Variants in OCSTAMP observed in about 807,000 individuals in gnomAD.
OCSTAMP encodes transmembrane protein C20orf123.
A neutral mutation model predicts 25.2 loss-of-function variants in OCSTAMP; 17 were observed. That is an observed-to-expected ratio of 0.68 (90% confidence interval 0.46 to 1.01). OCSTAMP has a LOEUF of 1.01. OCSTAMP is among the 50% of genes least tolerant of loss of function. The probability of loss-of-function intolerance (pLI) is 0.00; values close to 1 mark genes in which losing one functional copy is unlikely to be tolerated. For synonymous variants in OCSTAMP, 345 were observed against 318.9 expected (o/e 1.08, Z -0.87); for missense variants, 664 against 694.6 (o/e 0.96, Z 0.50).
At chr20:46,546,732 T>C (rs1283558989) in intron 1 of OCSTAMP, among the ~76,000 whole-genome samples, 1 of 152,162 alleles carries the variant, frequency 6.6e-6, no homozygotes, top group Non-Finnish European at 1.5e-5. Context: ...ACGATTTCAC[T>C]TGAATTAATA....
intron 1 of OCSTAMP, among the ~76,000 whole-genome samples, chr20:46,548,667 G>C (rs1173627723): frequency 6.6e-6 from 1 of 152,140 alleles, no homozygotes; most frequent in Admixed American, 6.5e-5. Context: ...AAGGTTATAC[G>C]GGAATATGGT....
chr20:46,545,510 C>G lies in OCSTAMP; in HGVS notation c.864G>C (p.Gln288His). 1 of 1,551,328 alleles carries G rather than the reference C, an allele frequency of 6.4e-7. No individual in the cohort carries two copies. The highest frequency in any genetic ancestry group is 8.7e-7 in the Non-Finnish European group (1 of 1,146,782). The change falls in exon 2 of 3, where the codon CAG becomes CAC. Residue 288 changes from glutamine to histidine, a missense_variant. Physicochemically the swap from Gln to His is conservative, Grantham distance 24. Transcript: ENST00000279028. ...PPPTWLLQAA[Q>H]LRLSQEELLS... is the part of the protein sequence containing the mutation. The stretch of plus-strand genomic sequence containing the variant: ...ACAGCTCCTCCTGTGACAGCCTCAG[C>G]TGAGCCGCCTGGAGCAGCCAGGTGG...
rs896943145 is a variant in OCSTAMP, at chr20:46,545,915, G to C, written c.459C>G (p.Thr153=). 1.3e-6 allele frequency: 2 copies of C among 1,551,296 alleles called. No individual in the cohort carries two copies. Among genetic ancestry groups the C allele is most frequent in the Admixed American group, 3.9e-5 (2 of 51,008 alleles). ...GAAGQVLRCV[T]EGSLESLLNT... ...TGAGGAGACTCTCCAGGGAGCCCTC[G>C]GTGACACACCTCAGCACCTGCCCGG... The change falls in exon 2 of 3, where the codon ACC becomes ACG. Residue 153 remains threonine, a synonymous_variant. Coordinates refer to ENST00000279028, the MANE Select transcript of OCSTAMP (RefSeq NM_080721.3).
At chr20:46,542,574 C>CAAAAAAAAAAAAA (rs3092597) in intron 2 of OCSTAMP, among the ~76,000 whole-genome samples, 7 of 100,352 alleles carry the variant, frequency 7.0e-5, no homozygotes, top group African/African-American at 3.5e-4. Context: ...GACTCTGTCT[C>CAAAAAAAAAAAAA]AAAAAAAAAA....
chr20:46,543,213 T>TTC (rs1568896984), intron 2 of OCSTAMP, among the ~76,000 whole-genome samples: 5 of 149,468 alleles, frequency 3.3e-5, no homozygotes, highest in Non-Finnish European at 5.9e-5. Flanking sequence ...CTTTTTTCTT[T>TTC]CTTCCTTCCT....
Position 46,541,946 on chromosome 20 carries a change from G to A in OCSTAMP, c.1048-19C>T, listed in dbSNP as rs1054280682. 1.1e-5 allele frequency: 16 copies of A among 1,418,024 alleles called. No homozygotes were observed. The highest frequency in any genetic ancestry group is 3.3e-5 in the Admixed American group (1 of 30,576). The allele number at this position is 1,418,024 out of a possible 1,614,324, so 87.8% of individuals were successfully genotyped here. ...ATGCCACCTTGGGAAAGGAGAAAAA[G>A]GCAGGGTCAACTGAGGGCCTCTCTG... On this transcript the variant is annotated intron_variant, in intron 2 of 2. Transcript: ENST00000279028.
chr20:46,548,802 C>T (rs573617706), intron 1 of OCSTAMP, among the ~76,000 whole-genome samples: 1 of 152,290 alleles, frequency 6.6e-6, no homozygotes, highest in African/African-American at 2.4e-5. Context: ...GATCCAAGTA[C>T]CTCTGATCCC....
chr20:46,543,152 C>T (rs1013235334), intron 2 of OCSTAMP, among the ~76,000 whole-genome samples: 3 of 151,760 alleles, frequency 2.0e-5, no homozygotes, highest in Non-Finnish European at 4.4e-5. Flanking sequence ...CCCTCCCTTC[C>T]TTCCTTCCTC....
At position 46,545,736 on chromosome 20, in the gene OCSTAMP, C is replaced by T; in HGVS notation, c.638G>A (p.Gly213Asp). 6.4e-7 allele frequency: 1 copy of T among 1,551,596 alleles called. No individual in the cohort carries two copies. Among genetic ancestry groups the T allele is most frequent in the Non-Finnish European group, 8.7e-7 (1 of 1,146,992 alleles). The change falls in exon 2 of 3, where the codon GGC becomes GAC. Residue 213 changes from glycine (G) to aspartate (D), a missense_variant. Physicochemically the swap from Gly to Asp is moderately conservative, Grantham distance 94. Coordinates refer to ENST00000279028, the MANE Select transcript of OCSTAMP (RefSeq NM_080721.3). ...TGCTGCCCGGGCCAGGGACTCCAGG[C>T]CAGAGAAATCCTCCAGGACCTGCTG... ...VTQQVLEDFS[G>D]LESLARAAAL... is the part of the protein sequence containing the mutation.
At chr20:46,542,022 T>C (rs2061836238) in intron 2 of OCSTAMP, 95 bp from the exon 3 acceptor site, 2 of 1,353,964 alleles carry the variant, frequency 1.5e-6, no homozygotes, top group Non-Finnish European at 1.9e-6. Context: ...TGCCTTCATC[T>C]GCAAAATGGT....
rs2061847780 is a variant in OCSTAMP at position 46,545,366 on chromosome 20, C to T, written c.1008G>A (p.Lys336=). ...TGAGCGTGATGGGCACAGTTGGCAACTTCTGAGCCCAGTCCACAGTAGCCT... is the reference window on the plus strand; with the variant it reads ...TGAGCGTGATGGGCACAGTTGGCAATTTCTGAGCCCAGTCCACAGTAGCCT... The part of the protein sequence containing the change: ...LAQATVDWAQ[K]LPTVPITLTV... The change falls in exon 2 of 3, where the codon AAG becomes AAA. Residue 336 remains lysine, a synonymous_variant. Coordinates refer to ENST00000279028, the MANE Select transcript of OCSTAMP (RefSeq NM_080721.3). 1 of 1,503,180 alleles carries T rather than the reference C, an allele frequency of 6.7e-7. No homozygotes were observed. The highest frequency in any genetic ancestry group is 8.9e-7 in the Non-Finnish European group (1 of 1,126,484). 93.1% of individuals were successfully genotyped at this position (1,503,180 alleles called of 1,614,324 possible).
chr20:46,542,656 G>C (rs1320970411), intron 2 of OCSTAMP, among the ~76,000 whole-genome samples: 1 of 151,654 alleles, frequency 6.6e-6, no homozygotes, highest in African/African-American at 2.4e-5. Flanking sequence ...AGCCAAGGTG[G>C]GTCCCTATGT....
chr20:46,544,779 A>G (rs1156372016), intron 2 of OCSTAMP, among the ~76,000 whole-genome samples: 3 of 152,234 alleles, frequency 2.0e-5, no homozygotes, highest in African/African-American at 7.2e-5. Flanking sequence ...GTTCTAAAAA[A>G]GCTTTATTTA....
Position 46,541,861 on chromosome 20 carries a change from G to A in OCSTAMP, c.1114C>T (p.Leu372Phe). Residue 372 changes from leucine (L) to phenylalanine (F), a missense_variant, in exon 3 of 3, where the codon CTC becomes TTC. Leu to Phe is a conservative substitution (Grantham distance 22). Coordinates refer to ENST00000279028, the MANE Select transcript of OCSTAMP (RefSeq NM_080721.3). ...CATTGGTAGGAGCTGTGGACGGAGAGGAAGGGGCTCTCCGGAGCCAGCTGG... is the reference window on the plus strand; with the variant it reads ...CATTGGTAGGAGCTGTGGACGGAGAAGAAGGGGCTCTCCGGAGCCAGCTGG... The part of the protein sequence containing the change: ...FNQLAPESPF[L>F]SVHSSYQWEL... The A allele has an allele frequency of 1.4e-6, 2 of 1,469,292 alleles. No homozygotes were observed. The highest frequency in any genetic ancestry group is 1.8e-6 in the Non-Finnish European group (2 of 1,114,692). 91.0% of individuals were successfully genotyped at this position (1,469,292 alleles called of 1,614,324 possible).
intron 2 of OCSTAMP, among the ~76,000 whole-genome samples, chr20:46,544,249 C>T (rs1393807610): frequency 6.6e-6 from 1 of 152,094 alleles, no homozygotes; most frequent in Non-Finnish European, 1.5e-5. Context: ...AAAAGAAATG[C>T]ATTTTACAGT....
intron 1 of OCSTAMP, among the ~76,000 whole-genome samples, chr20:46,547,851 T>C (rs1289190025): frequency 1.3e-5 from 2 of 152,194 alleles, no homozygotes; most frequent in African/African-American, 2.4e-5. Flanking sequence ...AGGAAATCTA[T>C]AGCATGTTTG....
In OCSTAMP at chr20:46,543,635, C is replaced by T. The variant is rs145592998; in HGVS notation, c.1047+1692G>A. ...ATAGGCATGAGCCTCCATGCCCAGC[C>T]CCCTATTTTTCTTTTTATGTATACG... is the stretch of plus-strand genomic sequence containing the variant. On this transcript the variant is annotated intron_variant, in intron 2 of 2. Transcript: ENST00000279028. Among the ~76,000 whole-genome samples, 1,206 of 152,018 alleles carry T rather than the reference C, an allele frequency of 7.9e-3. 32 individuals are homozygous for T. The East Asian group carries it at 0.085, about 11-fold the overall frequency.
In OCSTAMP at chr20:46,541,564, TG is replaced by T; in HGVS notation, c.1410del (p.Thr471HisfsTer12). ...GGAGGCTTGCAGGCAGGTCTGGGTGTGGGGACGCAAGAAGGATCCCCTAGGG... is the reference window on the plus strand; with the variant it reads ...GGAGGCTTGCAGGCAGGTCTGGGTGTGGGACGCAAGAAGGATCCCCTAGGG... ...QLPLGDPSCV[P>X]TPRPACKPPA... On this transcript the variant is annotated frameshift_variant, in exon 3 of 3. Transcript: ENST00000279028. LOFTEE classifies it low-confidence loss of function (END_TRUNC). 1 of 1,551,642 alleles carries T rather than the reference TG, an allele frequency of 6.4e-7. No homozygotes were observed. The highest frequency in any genetic ancestry group is 8.7e-7 in the Non-Finnish European group (1 of 1,146,950).
At position 46,545,894 on chromosome 20, in the gene OCSTAMP, G is replaced by A. The variant is rs1320978781; in HGVS notation, c.480C>T (p.Leu160=). ...CATGCAGCTGGTGAGTGGTATTGAG[G>A]AGACTCTCCAGGGAGCCCTCGGTGA... is the stretch of plus-strand genomic sequence containing the variant. The part of the protein sequence containing the change: ...RCVTEGSLES[L]LNTTHQLHAA... The change falls in exon 2 of 3, where the codon CTC becomes CTT. Residue 160 remains leucine, a synonymous_variant. Transcript: ENST00000279028. The A allele has an allele frequency of 1.1e-5, 17 of 1,551,264 alleles. No individual in the cohort carries two copies. The highest frequency in any genetic ancestry group is 1.5e-5 in the Non-Finnish European group (17 of 1,146,994).
Sources: allele counts gnomAD v4.1 joint callset (sites outside exome capture counted in the v4.1 genomes callset), GRCh38; gene constraint gnomAD v4.1.1; transcripts MANE v1.5; gene names NCBI Gene and HGNC (gene_info 2026-07-23, HGNC 2026-07-21).